The following HSD17B4 variants were observed in gnomAD, a reference collection of about 807,000 sequenced individuals.
HSD17B4 encodes the protein hydroxysteroid 17-beta dehydrogenase 4.
HSD17B4 carries 70 observed loss-of-function variants against 101.0 expected under a neutral mutation model. The ratio of observed to expected loss-of-function variants is 0.69; its 90% CI spans 0.57 to 0.85. The LOEUF is 0.85. Ranked by LOEUF, HSD17B4 falls within the 40% of genes least tolerant of loss-of-function variation. The pLI is 0.00. For missense variants in HSD17B4, 984 were observed against 892.4 expected, an observed-to-expected ratio of 1.10 and a Z score of -1.31; for synonymous variants, 347 against 297.1, an observed-to-expected ratio of 1.17 and a Z score of -1.73.
At position 119,542,241 on chromosome 5, in the gene HSD17B4, A is replaced by G. The variant is rs946831924; in HGVS notation, c.*247A>G. The G allele has an allele frequency of 1.6e-5, 5 of 311,834 alleles. No individual in the cohort carries two copies. Among genetic ancestry groups the G allele is most frequent in the Non-Finnish European group, 3.0e-5 (5 of 169,172 alleles). 19.3% of individuals were successfully genotyped at this position (311,834 alleles called of 1,614,324 possible). On this transcript the variant is annotated 3_prime_UTR_variant, in exon 24 of 24. Transcript: ENST00000510025. ...TCTTAGATCTGTATCTTCATAATAA[A>G]AAATTTTGCCCAAGTCCTGTTTCCT... is the stretch of plus-strand genomic sequence containing the variant.
At chr5:119,541,571 A>C (rs1484973184) in intron 23 of HSD17B4, among the ~76,000 whole-genome samples, 3 of 152,210 alleles carry the variant, frequency 2.0e-5, no homozygotes, top group Non-Finnish European at 4.4e-5. Context: ...TTTATTAGGA[A>C]TACAGTGTAG....
At chr5:119,471,707 C>G (rs1345306142) in intron 2 of HSD17B4, 4 of 1,380,658 alleles carry the variant, frequency 2.9e-6, no homozygotes, top group Non-Finnish European at 3.9e-6. Flanking sequence ...TCAAGTAATT[C>G]TCTTAAGTTC....
intron 21 of HSD17B4, 78 bp downstream of exon 21, chr5:119,530,058 C>T: frequency 1.2e-6 from 1 of 847,940 alleles, no homozygotes; most frequent in Non-Finnish European, 2.1e-6. Flanking sequence ...AGTGGTTAGG[C>T]TACGTTAGAA....
intron 23 of HSD17B4, among the ~76,000 whole-genome samples, chr5:119,540,635 T>C (rs1048405320): frequency 3.3e-5 from 5 of 152,204 alleles, no homozygotes; most frequent in African/African-American, 1.2e-4. Context: ...AGTTTTGAAA[T>C]TCTGGTCTCC....
intron 14 of HSD17B4, 126 bp downstream of exon 14, chr5:119,502,218 C>A: frequency 1.4e-6 from 1 of 697,280 alleles, no homozygotes; most frequent in Non-Finnish European, 2.6e-6. Flanking sequence ...TTGTTATGCA[C>A]ATGTGAGCCA....
intron 1 of HSD17B4, among the ~76,000 whole-genome samples, chr5:119,454,627 T>C (rs1754411136): frequency 1.3e-5 from 2 of 152,108 alleles, no homozygotes; most frequent in South Asian, 4.2e-4. Context: ...TTTGGTTCTT[T>C]TTGTTTTTGT....
intron 8 of HSD17B4, among the ~76,000 whole-genome samples, chr5:119,484,835 T>A (rs1319928944): frequency 1.3e-5 from 2 of 151,554 alleles, no homozygotes; most frequent in African/African-American, 4.9e-5. Context: ...GATCTAATTT[T>A]TTCCCCTGTT....
intron 22 of HSD17B4, among the ~76,000 whole-genome samples, chr5:119,531,789 C>A (rs11957255): frequency 6.6e-6 from 1 of 151,950 alleles, no homozygotes; most frequent in Non-Finnish European, 1.5e-5. Context: ...TGATATTTGA[C>A]AGTTACAAAA....
At chr5:119,490,862 C>T (rs995915364) in intron 9 of HSD17B4, among the ~76,000 whole-genome samples, 2 of 152,220 alleles carry the variant, frequency 1.3e-5, no homozygotes, top group African/African-American at 2.4e-5. Flanking sequence ...GCTACCGCAC[C>T]TGGCCTAGAT....
intron 22 of HSD17B4, among the ~76,000 whole-genome samples, 168 bp downstream of exon 22, chr5:119,531,572 T>G (rs1299273475): frequency 3.3e-5 from 5 of 149,914 alleles, no homozygotes; most frequent in Admixed American, 2.7e-4. Flanking sequence ...AAGGGGGGTG[T>G]GTGTGTGTGT....
At chr5:119,454,377 C>G (rs1192021787) in intron 1 of HSD17B4, among the ~76,000 whole-genome samples, 1 of 151,404 alleles carries the variant, frequency 6.6e-6, no homozygotes, top group East Asian at 1.9e-4. Flanking sequence ...CCGATCATGG[C>G]TCACTGTAAC....
chr5:119,464,939 G>T (rs1755666609), intron 2 of HSD17B4, among the ~76,000 whole-genome samples: 1 of 151,924 alleles, frequency 6.6e-6, no homozygotes, highest in African/African-American at 2.4e-5. Context: ...CAAGTAGTGT[G>T]ATACTTTCAG....
At chr5:119,452,655 G>C in intron 1 of HSD17B4, 22 bp downstream of exon 1, 3 of 1,613,562 alleles carry the variant, frequency 1.9e-6, no homozygotes, top group Non-Finnish European at 2.5e-6. Context: ...AAGGTTGGAG[G>C]CCGCGCCCCT....
At chr5:119,529,119 G>A (rs1028489170) in intron 20 of HSD17B4, among the ~76,000 whole-genome samples, 2 of 152,118 alleles carry the variant, frequency 1.3e-5, no homozygotes, top group African/African-American at 4.8e-5. Context: ...TCCAAAATAT[G>A]ATGAGATGTA....
Position 119,459,753 on chromosome 5 carries a change from T to C in HSD17B4, c.112+3385T>C, listed in dbSNP as rs1426413661. 2.0e-5 allele frequency among the ~76,000 whole-genome samples: 3 copies of C among 152,064 alleles called. No homozygotes were observed. In the South Asian group the frequency reaches 6.2e-4, roughly 32 times the overall value. ...TCCTCTTCTTATAAAGCCACTAGTC[T>C]CACTCCCATGATAACCTGTTAATTC... On this transcript the variant is annotated intron_variant, in intron 2 of 23. Coordinates refer to ENST00000510025, the MANE Select transcript of HSD17B4 (RefSeq NM_000414.4).
chr5:119,499,922 C>G (rs763561775), intron 13 of HSD17B4, among the ~76,000 whole-genome samples: 5 of 152,008 alleles, frequency 3.3e-5, no homozygotes, highest in Non-Finnish European at 4.4e-5. Context: ...AAGAAGCAAG[C>G]CAGGGAGGAG....
chr5:119,455,377 CG>C (rs1754511319), intron 1 of HSD17B4, among the ~76,000 whole-genome samples: 1 of 151,978 alleles, frequency 6.6e-6, no homozygotes, highest in Non-Finnish European at 1.5e-5. Flanking sequence ...ATTAGCTGGG[CG>C]TGGTGGCGGG....
intron 12 of HSD17B4, among the ~76,000 whole-genome samples, chr5:119,497,644 A>G (rs1460906687): frequency 6.6e-6 from 1 of 152,214 alleles, no homozygotes; most frequent in African/African-American, 2.4e-5. Flanking sequence ...TGAAGTGCCT[A>G]TAATCAGCAA....
intron 11 of HSD17B4, 139 bp downstream of exon 11, chr5:119,494,085 A>G (rs1023444001): frequency 1.6e-5 from 13 of 797,068 alleles, no homozygotes; most frequent in African/African-American, 6.9e-5. Context: ...CTGCTCTAGT[A>G]GGTATTAGAA....
Sources: allele counts gnomAD v4.1 joint callset (sites outside exome capture counted in the v4.1 genomes callset), GRCh38; gene constraint gnomAD v4.1.1; transcripts MANE v1.5; gene names NCBI Gene and HGNC (gene_info 2026-07-23, HGNC 2026-07-21).